The following THEM4 variants were observed in gnomAD, a reference collection of about 807,000 sequenced individuals.
The protein encoded by THEM4 is thioesterase superfamily member 4.
THEM4 carries 22 observed loss-of-function variants against 25.0 expected under a neutral mutation model. That is an observed-to-expected ratio of 0.88 (90% CI 0.63 to 1.26). The LOEUF is 1.26. Ranked by LOEUF, THEM4 falls within the 50% of genes most tolerant of loss-of-function variation. The pLI is 0.00. For synonymous variants in THEM4, 113 were observed against 105.6 expected (o/e 1.07, Z -0.43); for missense variants, 286 against 300.3 (o/e 0.95, Z 0.35).
At chr1:151,889,904 C>CT (rs5777788) in intron 2 of THEM4, 105 of 94,970 alleles carry the variant, frequency 1.1e-3, no homozygotes, top group African/African-American at 3.0e-3. Context: ...AACCAGGCTT[C>CT]TTTTTTTTTT....
intron 5 of THEM4, among the ~76,000 whole-genome samples, chr1:151,875,656 C>G (rs1434720701): frequency 6.6e-6 from 1 of 151,794 alleles, no homozygotes; most frequent in East Asian, 1.9e-4. Flanking sequence ...GGTCAATAAA[C>G]ATATGAAGAG....
At chr1:151,880,722 T>C (rs1653794239) in intron 4 of THEM4, among the ~76,000 whole-genome samples, 1 of 152,220 alleles carries the variant, frequency 6.6e-6, no homozygotes, top group African/African-American at 2.4e-5. Context: ...GGTTAACTTT[T>C]GTGTAGCATA....
chr1:151,882,890 G>C (rs1258502682), intron 4 of THEM4, among the ~76,000 whole-genome samples: 1 of 151,994 alleles, frequency 6.6e-6, no homozygotes, highest in African/African-American at 2.4e-5. Flanking sequence ...TTATTTTCAT[G>C]CTACTATAAA....
chr1:151,903,485 A>AT (rs1441298821), intron 1 of THEM4, among the ~76,000 whole-genome samples: 4 of 152,216 alleles, frequency 2.6e-5, no homozygotes, highest in Non-Finnish European at 5.9e-5. Context: ...TAAGGTAGAT[A>AT]TTTAAATTAT....
intron 1 of THEM4, among the ~76,000 whole-genome samples, chr1:151,904,455 A>G: frequency 6.6e-6 from 1 of 152,232 alleles, no homozygotes; most frequent in East Asian, 1.9e-4. Flanking sequence ...TTAACTAAAG[A>G]AGTGGCGTCT....
intron 1 of THEM4, among the ~76,000 whole-genome samples, chr1:151,905,256 A>G (rs1374703781): frequency 6.6e-6 from 1 of 152,184 alleles, no homozygotes; most frequent in Admixed American, 6.5e-5. Flanking sequence ...CCTGTGTGGC[A>G]GGGTAGGAGC....
chr1:151,885,081 TCTTTTATTTATTTATTTA>T (rs1366641148), intron 4 of THEM4, among the ~76,000 whole-genome samples: 1 of 148,590 alleles, frequency 6.7e-6, no homozygotes, highest in African/African-American at 2.5e-5. Flanking sequence ...TGTGATTTCA[TCTTTTATTTATTTATTTA>T]TTTATTTATT....
chr1:151,877,735 T>C (rs1429329015), intron 4 of THEM4, among the ~76,000 whole-genome samples: 2 of 152,158 alleles, frequency 1.3e-5, no homozygotes, highest in African/African-American at 2.4e-5. Flanking sequence ...AACTGAGAAG[T>C]TGAGTCCTTA....
intron 1 of THEM4, among the ~76,000 whole-genome samples, chr1:151,908,491 C>A (rs1330624604): frequency 1.3e-5 from 2 of 152,192 alleles, no homozygotes; most frequent in African/African-American, 2.4e-5. Context: ...TGCCCTCCAC[C>A]AACCACCTTG....
At position 151,872,090 on chromosome 1, in the gene THEM4, C is replaced by T. The variant is rs936685527; in HGVS notation, c.*2798G>A. ...CCCAGCCATCTCCTGGGGCACTTTC[C>T]CAGGCTCTCTCAGAATTTCTGGGAG... is the stretch of plus-strand genomic sequence containing the variant. On this transcript the variant is annotated 3_prime_UTR_variant, in exon 6 of 6. Transcript: ENST00000368814. Among the ~76,000 whole-genome samples the T allele has an allele frequency of 1.3e-5, 2 of 152,184 alleles. No homozygotes were observed. Among genetic ancestry groups the T allele is most frequent in the African/African-American group, 2.4e-5 (1 of 41,448 alleles).
rs1366291802 is a variant in THEM4 at position 151,888,318 on chromosome 1, G to T, written c.512C>A (p.Ala171Asp). 6.2e-7 allele frequency: 1 copy of T among 1,613,562 alleles called. No individual in the cohort carries two copies. Among genetic ancestry groups the T allele is most frequent in the Non-Finnish European group, 8.5e-7 (1 of 1,179,726 alleles). The change falls in exon 4 of 6, where the codon GCT (alanine) becomes GAT (aspartate). Residue 171 changes from alanine (A) to aspartate (D), a missense_variant. Physicochemically the swap from Ala to Asp is moderately radical, Grantham distance 126 (BLOSUM62 -2). Transcript: ENST00000368814. ...DATVGMCAMM[A>D]GGIVMTANLN... Reference sequence around the variant, plus strand: ...ATTGGCAGTCATGACGATTCCCCCAGCCATCATTGCACACATACCAACAGT... The same window carrying T: ...ATTGGCAGTCATGACGATTCCCCCATCCATCATTGCACACATACCAACAGT...
intron 4 of THEM4, among the ~76,000 whole-genome samples, chr1:151,884,150 C>T (rs887664708): frequency 6.6e-6 from 1 of 151,530 alleles, no homozygotes; most frequent in African/African-American, 2.4e-5. Context: ...GTGTTGGCTA[C>T]AAATTAGAAA....
At chr1:151,884,469 T>C (rs1653919817) in intron 4 of THEM4, among the ~76,000 whole-genome samples, 1 of 152,132 alleles carries the variant, frequency 6.6e-6, no homozygotes, top group Non-Finnish European at 1.5e-5. Context: ...GTAGTTATAA[T>C]AGGAAAATGG....
At chr1:151,909,242 G>A (rs759104272) in intron 1 of THEM4, 118 bp downstream of exon 1, 5 of 806,462 alleles carry the variant, frequency 6.2e-6, no homozygotes, top group South Asian at 1.8e-5. Context: ...TGGTGCCCAG[G>A]TGAGCTTTTA....
intron 4 of THEM4, 37 bp from the exon 5 acceptor site, chr1:151,877,162 T>C (rs757040624): frequency 9.9e-5 from 156 of 1,576,156 alleles, no homozygotes; most frequent in Admixed American, 2.8e-4. Flanking sequence ...AAATCAGTTT[T>C]TATCTGACTT....
intron 5 of THEM4, among the ~76,000 whole-genome samples, chr1:151,876,469 A>G (rs573395427): frequency 1.4e-5 from 2 of 143,136 alleles, no homozygotes; most frequent in Non-Finnish European, 3.0e-5. Flanking sequence ...TTTTTTTGAG[A>G]CAGGGTCTGG....
At chr1:151,886,363 CTTT>C (rs1653970602) in intron 4 of THEM4, among the ~76,000 whole-genome samples, 2 of 152,254 alleles carry the variant, frequency 1.3e-5, no homozygotes, top group South Asian at 4.1e-4. Flanking sequence ...GACACAAACA[CTTT>C]TTGAGATAAA....
rs1047303920 is a variant in THEM4 at position 151,870,878 on chromosome 1, A to C, written c.*4010T>G. Among the ~76,000 whole-genome samples the C allele has an allele frequency of 1.3e-5, 2 of 152,118 alleles. No individual in the cohort carries two copies. ...TTCCAACAATATATTTCTGTACATG[A>C]CTCTCATTTTATTGTTTCTTAGACA... On this transcript the variant is annotated 3_prime_UTR_variant, in exon 6 of 6. Coordinates refer to ENST00000368814, the MANE Select transcript of THEM4 (RefSeq NM_053055.5).
At chr1:151,882,048 T>C (rs914549178) in intron 4 of THEM4, among the ~76,000 whole-genome samples, 1 of 152,088 alleles carries the variant, frequency 6.6e-6, no homozygotes, top group Non-Finnish European at 1.5e-5. Flanking sequence ...TTTCTCTCTC[T>C]CTCTGCTAAA....
Sources: allele counts gnomAD v4.1 joint callset (sites outside exome capture counted in the v4.1 genomes callset), GRCh38; gene constraint gnomAD v4.1.1; transcripts MANE v1.5; gene names NCBI Gene and HGNC (gene_info 2026-07-23, HGNC 2026-07-21).